The following HIVEP3 variants were observed in gnomAD, a reference collection of about 807,000 sequenced individuals.
HIVEP3 encodes HIVEP zinc finger 3.
HIVEP3 carries 49 observed loss-of-function variants against 152.8 expected under a neutral mutation model. The ratio of observed to expected loss-of-function variants is 0.32; its 90% confidence interval spans 0.26 to 0.41. The LOEUF (loss-of-function observed/expected upper bound fraction) is 0.41, where lower values mean the gene tolerates loss of function less well. HIVEP3 is among the 10% of genes least tolerant of loss of function. HIVEP3 has a pLI of 1.00. For missense variants in HIVEP3, 2,790 were observed against 3,103.3 expected, an observed-to-expected ratio of 0.90 and a Z score of 2.40; for synonymous variants, 1,269 against 1,289.0, an observed-to-expected ratio of 0.98 and a Z score of 0.33.
At chr1:41,757,695 G>GTATTTATTTATTTATT (rs56130199) in intron 1 of HIVEP3, among the ~76,000 whole-genome samples, 21,790 of 145,002 alleles carry the variant, frequency 0.15, 1,924 homozygotes, top group South Asian at 0.25. Context: ...TTTCTACTTT[G>GTATTTATTTATTTATT]TATTTATTTA....
At chr1:41,586,044 C>T (rs755352672) in intron 3 of HIVEP3, among the ~76,000 whole-genome samples, 53 of 152,226 alleles carry the variant, frequency 3.5e-4, no homozygotes, top group Non-Finnish European at 6.3e-4. Context: ...TCTGACACAG[C>T]TGTGACCATT....
intron 1 of HIVEP3, among the ~76,000 whole-genome samples, chr1:41,742,066 C>T (rs1203988194): frequency 1.3e-5 from 2 of 152,202 alleles, no homozygotes; most frequent in African/African-American, 4.8e-5. Context: ...GAATTCTACA[C>T]CATTGTGAAT....
At chr1:41,906,967 T>C (rs1452767011) in intron 1 of HIVEP3, among the ~76,000 whole-genome samples, 5 of 151,606 alleles carry the variant, frequency 3.3e-5, no homozygotes, top group Admixed American at 6.6e-5. Context: ...CATTACAAAT[T>C]AGTGGAAATG....
intron 1 of HIVEP3, among the ~76,000 whole-genome samples, chr1:41,754,201 A>G (rs374972355): frequency 6.6e-6 from 1 of 152,218 alleles, no homozygotes; most frequent in African/African-American, 2.4e-5. Context: ...AGGGTCGTGC[A>G]GGACCTTGCA....
At chr1:41,919,393 T>G (rs1305215555), upstream of HIVEP3, among the ~76,000 whole-genome samples, 1 of 152,136 alleles carries the variant, frequency 6.6e-6, no homozygotes, top group South Asian at 2.1e-4. Flanking sequence ...ACCTGAGAGC[T>G]CAACACGGGC....
chr1:41,780,797 G>A (rs964474178), intron 1 of HIVEP3, among the ~76,000 whole-genome samples: 3 of 152,144 alleles, frequency 2.0e-5, no homozygotes, highest in African/African-American at 7.2e-5. Flanking sequence ...TGAGCAAGGA[G>A]GAAGGCTATG....
At chr1:41,627,195 A>C (rs1342453855) in intron 3 of HIVEP3, among the ~76,000 whole-genome samples, 2 of 152,116 alleles carry the variant, frequency 1.3e-5, no homozygotes, top group Non-Finnish European at 2.9e-5. Context: ...AGGGTGACTC[A>C]CGTTTGGGAG....
chr1:41,910,773 T>C (rs11804424), intron 1 of HIVEP3, among the ~76,000 whole-genome samples: 5,461 of 151,932 alleles, frequency 0.036, 309 homozygotes, highest in African/African-American at 0.12. Flanking sequence ...AGAGGAAGTA[T>C]TTAATAAACA....
chr1:42,034,856 A>G (rs1329913136), intron 1 of HIVEP3, among the ~76,000 whole-genome samples: 1 of 152,010 alleles, frequency 6.6e-6, no homozygotes, highest in Non-Finnish European at 1.5e-5. Context: ...TAAACTGAAG[A>G]CCCTCAATAA....
intron 5 of HIVEP3, among the ~76,000 whole-genome samples, chr1:41,536,521 G>T (rs1277230686): frequency 6.6e-6 from 1 of 152,068 alleles, no homozygotes; most frequent in Non-Finnish European, 1.5e-5. Context: ...GAGGGGGATG[G>T]GCTGGCAACA....
intron 5 of HIVEP3, among the ~76,000 whole-genome samples, chr1:41,574,876 C>T (rs528814069): frequency 5.4e-4 from 82 of 152,182 alleles, no homozygotes; most frequent in Non-Finnish European, 8.2e-4. Context: ...CCACAAAGCA[C>T]GTCTGAAACA....
intron 1 of HIVEP3, among the ~76,000 whole-genome samples, chr1:41,761,571 T>G (rs974383000): frequency 2.0e-5 from 3 of 152,232 alleles, no homozygotes; most frequent in African/African-American, 7.2e-5. Flanking sequence ...TGTGCCTGTA[T>G]ATACATGTGT....
At chr1:41,557,837 T>A (rs964005149) in intron 5 of HIVEP3, among the ~76,000 whole-genome samples, 2 of 152,146 alleles carry the variant, frequency 1.3e-5, no homozygotes, top group African/African-American at 4.8e-5. Flanking sequence ...GGGTTTGGCT[T>A]TGCCACTGGG....
At chr1:41,782,379 G>A (rs1386694329) in intron 1 of HIVEP3, among the ~76,000 whole-genome samples, 1 of 152,198 alleles carries the variant, frequency 6.6e-6, no homozygotes, top group Non-Finnish European at 1.5e-5. Context: ...AAGTTCTGGA[G>A]CTGGAGGGTG....
intron 1 of HIVEP3, among the ~76,000 whole-genome samples, chr1:41,838,929 C>T (rs471385): frequency 0.36 from 54,029 of 152,088 alleles, 9,721 homozygotes; most frequent in Non-Finnish European, 0.37. Context: ...AGCATCTGAT[C>T]AGAGAGCAGA....
rs545656450 is a variant in HIVEP3, at chr1:41,508,712, G to A, written c.*1739C>T. 6.6e-6 allele frequency: 1 copy of A among 152,298 alleles called. No individual in the cohort carries two copies. Among genetic ancestry groups the A allele is most frequent in the Non-Finnish European group, 1.5e-5 (1 of 68,122 alleles). 9.4% of individuals were successfully genotyped at this position (152,298 alleles called of 1,614,324 possible). ...CCCCGCACAGGGAACTCACAGAAGG[G>A]TCTTAACCCTCCCCACCTACTGTGT... On this transcript the variant is annotated 3_prime_UTR_variant, in exon 9 of 9. Transcript: ENST00000372583.
At chr1:41,713,663 A>C (rs571478810) in intron 1 of HIVEP3, among the ~76,000 whole-genome samples, 4 of 152,354 alleles carry the variant, frequency 2.6e-5, no homozygotes, top group Non-Finnish European at 5.9e-5. Flanking sequence ...TTCTTCCCAC[A>C]ACATCCAGCC....
At chr1:41,722,329 A>G (rs1646685439) in intron 1 of HIVEP3, among the ~76,000 whole-genome samples, 1 of 152,044 alleles carries the variant, frequency 6.6e-6, no homozygotes, top group African/African-American at 2.4e-5. Flanking sequence ...TACTTGTTGC[A>G]CTGATACTAG....
At chr1:41,586,680 C>T (rs1644511330) in intron 3 of HIVEP3, among the ~76,000 whole-genome samples, 2 of 152,230 alleles carry the variant, frequency 1.3e-5, no homozygotes, top group Admixed American at 1.3e-4. Context: ...ACGAACAAGT[C>T]TTTAAGACTC....
Sources: allele counts gnomAD v4.1 joint callset (sites outside exome capture counted in the v4.1 genomes callset), GRCh38; gene constraint gnomAD v4.1.1; transcripts MANE v1.5; gene names NCBI Gene and HGNC (gene_info 2026-07-23, HGNC 2026-07-21).